The following NDUFS4 variants were observed in gnomAD, a reference collection of about 807,000 sequenced individuals.
The protein encoded by NDUFS4 is NADH:ubiquinone oxidoreductase subunit S4.
Under a neutral mutation model 24.3 loss-of-function variants are expected in NDUFS4, and 28 were observed. The ratio of observed to expected loss-of-function variants is 1.15; its 90% CI spans 0.85 to 1.58. NDUFS4 has a LOEUF of 1.58. NDUFS4 is among the 40% of genes most tolerant of loss of function. NDUFS4 has a pLI of 0.00. For synonymous variants in NDUFS4, 93 were observed against 69.7 expected (o/e 1.34, Z -1.67); for missense variants, 223 against 207.9 (o/e 1.07, Z -0.45).
intron 2 of NDUFS4, among the ~76,000 whole-genome samples, chr5:53,628,428 A>G (rs1057036753): frequency 5.3e-5 from 8 of 152,092 alleles, no homozygotes; most frequent in East Asian, 1.9e-4. Flanking sequence ...CTCATTTTCT[A>G]TTGATTGGAA....
At position 53,598,519 on chromosome 5, in the gene NDUFS4, CTT is replaced by C. The variant is rs199543271; in HGVS notation, c.99-4931_99-4930del. Among the ~76,000 whole-genome samples the C allele has an allele frequency of 6.0e-4, 91 of 152,186 alleles. 1 individual carries two copies. In the East Asian group the frequency reaches 0.017, roughly 28 times the overall value. ...AATAGACTGTCATCACTAGAAGAAA[CTT>C]TAGAGCAACAAGTTCCTCATTTTAT... On this transcript the variant is annotated intron_variant, in intron 1 of 4. Coordinates refer to ENST00000296684, the MANE Select transcript of NDUFS4 (RefSeq NM_002495.4).
intron 4 of NDUFS4, among the ~76,000 whole-genome samples, chr5:53,678,831 A>G (rs536338962): frequency 1.3e-5 from 2 of 152,164 alleles, no homozygotes; most frequent in African/African-American, 4.8e-5. Context: ...TTAAGCATAC[A>G]TGCTTAATGT....
At position 53,560,705 on chromosome 5, in the gene NDUFS4, T is replaced by A; in HGVS notation, c.43T>A (p.Trp15Arg). 1 of 1,614,236 alleles carries A rather than the reference T, an allele frequency of 6.2e-7. No individual in the cohort carries two copies. ...GTCAGTGGTACTGAGGCAGACGTTG[T>A]GGCGGAGAAGGGCAGTGGCTGTAGC... ...SMSVVLRQTL[W>R]RRRAVAVAAL... Residue 15 changes from tryptophan to arginine, a missense_variant, in exon 1 of 5, where the codon TGG becomes AGG. By Grantham distance (101) the Trp-to-Arg change is moderately radical. Coordinates refer to ENST00000296684, the MANE Select transcript of NDUFS4 (RefSeq NM_002495.4).
At chr5:53,617,967 G>A (rs1254176411) in intron 2 of NDUFS4, among the ~76,000 whole-genome samples, 5 of 152,076 alleles carry the variant, frequency 3.3e-5, no homozygotes, top group Non-Finnish European at 5.9e-5. Flanking sequence ...AAAGTTAATT[G>A]AGAATACCAA....
chr5:53,659,656 G>T (rs1197166104), intron 4 of NDUFS4, among the ~76,000 whole-genome samples: 4 of 152,066 alleles, frequency 2.6e-5, no homozygotes, highest in Admixed American at 6.6e-5. Flanking sequence ...AATTGAATTT[G>T]TCTCTTTAAG....
chr5:53,584,417 G>A (rs1032152246), intron 1 of NDUFS4, among the ~76,000 whole-genome samples: 7 of 152,038 alleles, frequency 4.6e-5, no homozygotes, highest in African/African-American at 1.4e-4. Context: ...GTGCAATGGC[G>A]CGATCTCAGC....
intron 2 of NDUFS4, among the ~76,000 whole-genome samples, chr5:53,607,922 T>TA (rs1750578618): frequency 6.6e-6 from 1 of 152,200 alleles, no homozygotes. Context: ...TTTTCAAAAA[T>TA]AGAGTTTTTT....
chr5:53,565,769 T>A (rs972803744), intron 1 of NDUFS4, among the ~76,000 whole-genome samples: 6 of 152,252 alleles, frequency 3.9e-5, no homozygotes, highest in African/African-American at 1.4e-4. Context: ...GTTCAGACAC[T>A]TCTTTTGTAT....
intron 1 of NDUFS4, among the ~76,000 whole-genome samples, chr5:53,561,367 C>T (rs1355900064): frequency 2.0e-5 from 3 of 152,090 alleles, no homozygotes; most frequent in African/African-American, 7.2e-5. Flanking sequence ...TTGTTAAAGC[C>T]TCACAATAAT....
At chr5:53,575,460 G>A (rs1179054666) in intron 1 of NDUFS4, among the ~76,000 whole-genome samples, 1 of 148,538 alleles carries the variant, frequency 6.7e-6, no homozygotes. Flanking sequence ...AACATTTCTT[G>A]CATCTTAGCA....
chr5:53,658,886 G>A (rs954395072), intron 4 of NDUFS4: 15 of 371,342 alleles, frequency 4.0e-5, no homozygotes, highest in African/African-American at 1.7e-4. Context: ...ACTACTTAAC[G>A]CCTACCTTGT....
At chr5:53,602,768 C>T (rs955642226) in intron 1 of NDUFS4, among the ~76,000 whole-genome samples, 1 of 152,086 alleles carries the variant, frequency 6.6e-6, no homozygotes, top group African/African-American at 2.4e-5. Flanking sequence ...ACAGCACAGT[C>T]AGGGATATGT....
intron 1 of NDUFS4, among the ~76,000 whole-genome samples, chr5:53,575,441 C>G (rs1749351864): frequency 1.3e-5 from 2 of 150,618 alleles, no homozygotes; most frequent in South Asian, 4.2e-4. Context: ...ATTTTTAAAG[C>G]TAAACGCTAA....
At chr5:53,679,976 C>G (rs1408009994) in intron 4 of NDUFS4, among the ~76,000 whole-genome samples, 1 of 152,094 alleles carries the variant, frequency 6.6e-6, no homozygotes, top group Non-Finnish European at 1.5e-5. Flanking sequence ...TTACAGGATT[C>G]TTAAAAGTCT....
rs1218380950 is a variant in NDUFS4, at chr5:53,658,540, G to A, written c.351-11G>A. On this transcript the variant is annotated splice_polypyrimidine_tract_variant and intron_variant, in intron 3 of 4. Transcript: ENST00000296684. ...AATGTTAAATCTTGGAAAAAAATTTGTTTCTTACAGGGCTGATCCCTTATC... is the reference window on the plus strand; with the variant it reads ...AATGTTAAATCTTGGAAAAAAATTTATTTCTTACAGGGCTGATCCCTTATC... 1 of 1,595,840 alleles carries A rather than the reference G, an allele frequency of 6.3e-7. No individual in the cohort carries two copies. The highest frequency in any genetic ancestry group is 8.6e-7 in the Non-Finnish European group (1 of 1,164,424).
At chr5:53,669,589 A>G (rs564767140) in intron 4 of NDUFS4, among the ~76,000 whole-genome samples, 2 of 152,080 alleles carry the variant, frequency 1.3e-5, no homozygotes, top group East Asian at 3.9e-4. Context: ...TGCAGCTCTT[A>G]TAGTATGGTT....
At chr5:53,596,565 T>G (rs1750138371) in intron 1 of NDUFS4, among the ~76,000 whole-genome samples, 1 of 152,230 alleles carries the variant, frequency 6.6e-6, no homozygotes, top group Non-Finnish European at 1.5e-5. Context: ...TTTTCTTTAT[T>G]GATTCAAGAT....
rs141318128 is a variant in NDUFS4, at chr5:53,665,921, G to A, written c.424+7297G>A. ...ATCACCCGTCTTCTGCGTCGCTTAC[G>A]CTGGGAGCTGTAGACTGGAGCTGTT... On this transcript the variant is annotated intron_variant, in intron 4 of 4. Coordinates refer to ENST00000296684, the MANE Select transcript of NDUFS4 (RefSeq NM_002495.4). 7.3e-3 allele frequency among the ~76,000 whole-genome samples: 1,105 copies of A among 152,268 alleles called. 14 individuals are homozygous for A. Among genetic ancestry groups the A allele is most frequent in the African/African-American group, 0.025 (1,053 of 41,544 alleles).
intron 2 of NDUFS4, among the ~76,000 whole-genome samples, chr5:53,642,727 T>A (rs529947456): frequency 1.3e-5 from 2 of 152,302 alleles, no homozygotes; most frequent in South Asian, 4.1e-4. Context: ...AGAATAAAGT[T>A]CATATACATA....
Sources: gnomAD v4.1 joint callset for allele counts (sites outside exome capture counted in the v4.1 genomes callset) on GRCh38, gnomAD v4.1.1 for gene constraint, MANE v1.5 for transcripts, NCBI Gene and HGNC (gene_info 2026-07-23, HGNC 2026-07-21) for gene names.